Variants in ARG2 observed in about 807,000 individuals in gnomAD.
ARG2 encodes the protein arginase 2, also known as arginase-2, mitochondrial.
In ARG2, 21 loss-of-function variants were observed where a neutral mutation model predicts 39.4. The ratio of observed to expected loss-of-function variants is 0.53; its 90% confidence interval spans 0.38 to 0.77. The LOEUF (loss-of-function observed/expected upper bound fraction) is 0.77, where lower values mean the gene tolerates loss of function less well. ARG2 is among the 30% of genes least tolerant of loss of function. The pLI, the probability that ARG2 is intolerant of heterozygous loss-of-function variation, is 0.00. For synonymous variants in ARG2, 150 were observed against 156.7 expected (o/e 0.96, Z 0.32); for missense variants, 378 against 426.2 (o/e 0.89, Z 1.00).
chr14:67,626,462 C>A (rs1200313166), intron 2 of ARG2, among the ~76,000 whole-genome samples: 1 of 152,158 alleles, frequency 6.6e-6, no homozygotes, highest in Admixed American at 6.5e-5. Flanking sequence ...TTACTGTGTC[C>A]TCAAGCAAAT....
chr14:67,638,519 GTTC>G (rs886115045), intron 2 of ARG2, among the ~76,000 whole-genome samples: 10 of 152,196 alleles, frequency 6.6e-5, no homozygotes, highest in Non-Finnish European at 1.3e-4. Flanking sequence ...TGTCATAGGA[GTTC>G]TTCTTTGACG....
chr14:67,627,525 T>G (rs565356428), intron 2 of ARG2, among the ~76,000 whole-genome samples: 3 of 152,104 alleles, frequency 2.0e-5, no homozygotes, highest in Non-Finnish European at 2.9e-5. Context: ...TGTCATATCT[T>G]TGGGACAAGA....
intron 2 of ARG2, among the ~76,000 whole-genome samples, chr14:67,637,410 C>CAA (rs34746542): frequency 0.19 from 18,995 of 102,334 alleles, 2,255 homozygotes; most frequent in Non-Finnish European, 0.25. Flanking sequence ...GACTCTGTCT[C>CAA]AAAAAAAAAA....
intron 2 of ARG2, among the ~76,000 whole-genome samples, chr14:67,639,727 C>A (rs991208457): frequency 6.6e-6 from 1 of 152,078 alleles, no homozygotes; most frequent in Non-Finnish European, 1.5e-5. Flanking sequence ...TCGAGACCAG[C>A]CTAGCCAACA....
At chr14:67,630,529 C>G (rs1159736287) in intron 2 of ARG2, among the ~76,000 whole-genome samples, 1 of 152,194 alleles carries the variant, frequency 6.6e-6, no homozygotes, top group Non-Finnish European at 1.5e-5. Context: ...AGAACTAGTT[C>G]ATGTGACCAC....
chr14:67,646,235 TAC>T (rs1216267899), intron 4 of ARG2, among the ~76,000 whole-genome samples: 2 of 152,312 alleles, frequency 1.3e-5, no homozygotes, highest in Non-Finnish European at 2.9e-5. Flanking sequence ...ACCAGGACAC[TAC>T]AAAGATTATT....
rs1187997449 is a variant in ARG2, at chr14:67,645,649, A to T, written c.369A>T (p.Ala123=). ...CVTLGGDHSL[A]IGTISGHARH... ...TTATACTTGTTCTTTGCAGCCTGGC[A>T]ATCGGTACCATTAGTGGCCATGCCC... Residue 123 remains alanine (A), a synonymous_variant, in exon 4 of 8, where the codon GCA becomes GCT. Transcript: ENST00000261783. 2 of 1,612,676 alleles carry T rather than the reference A, an allele frequency of 1.2e-6. No homozygotes were observed. Among genetic ancestry groups the T allele is most frequent in the African/African-American group, 1.3e-5 (1 of 74,820 alleles).
chr14:67,623,069 T>C (rs1209631019), intron 2 of ARG2, among the ~76,000 whole-genome samples: 3 of 152,234 alleles, frequency 2.0e-5, no homozygotes, highest in African/African-American at 7.2e-5. Context: ...TTGACTTTTT[T>C]TCTCAAATAT....
At chr14:67,637,153 T>C (rs1594826050) in intron 2 of ARG2, among the ~76,000 whole-genome samples, 1 of 152,180 alleles carries the variant, frequency 6.6e-6, no homozygotes, top group Non-Finnish European at 1.5e-5. Context: ...CTCACACCTG[T>C]AATCCTAGCG....
chr14:67,632,482 G>A (rs2036927738), intron 2 of ARG2, among the ~76,000 whole-genome samples: 1 of 152,158 alleles, frequency 6.6e-6, no homozygotes, highest in African/African-American at 2.4e-5. Context: ...GCCACCCAGA[G>A]GGGAAACAGA....
intron 5 of ARG2, 41 bp from the exon 6 acceptor site, chr14:67,646,880 C>G: frequency 1.4e-6 from 2 of 1,449,270 alleles, no homozygotes; most frequent in South Asian, 2.3e-5. Context: ...GTTAAAAATG[C>G]TCTTTAAACT....
chr14:67,642,111 T>C, intron 2 of ARG2, 75 bp from the exon 3 acceptor site: 1 of 1,404,412 alleles, frequency 7.1e-7, no homozygotes, highest in Non-Finnish European at 1.0e-6. Flanking sequence ...TCACGTATTA[T>C]CATTGTGGCC....
rs1465990408 is a variant in ARG2 at position 67,651,453 on chromosome 14, T to C, written c.*533T>C. Reference sequence around the variant, plus strand: ...ATGGCGAGCTCCAGTAAGATGATAATGGAAAGCAGCAGCTTGTTGGTTGTC... The same window carrying C: ...ATGGCGAGCTCCAGTAAGATGATAACGGAAAGCAGCAGCTTGTTGGTTGTC... On this transcript the variant is annotated 3_prime_UTR_variant, in exon 8 of 8. Coordinates refer to ENST00000261783, the MANE Select transcript of ARG2 (RefSeq NM_001172.4). The C allele has an allele frequency of 3.1e-6, 5 of 1,613,938 alleles. No homozygotes were observed. The highest frequency in any genetic ancestry group is 2.2e-5 in the South Asian group (2 of 91,076).
chr14:67,646,990 G>A lies in ARG2; in HGVS notation c.687G>A (p.Lys229=), dbSNP rs764657573. 3.1e-6 allele frequency: 5 copies of A among 1,612,904 alleles called. No homozygotes were observed. Among genetic ancestry groups the A allele is most frequent in the Admixed American group, 3.3e-5 (2 of 59,996 alleles). The stretch of plus-strand genomic sequence containing the variant: ...ATATTGATCGACTTGGTATCCAGAA[G>A]GTCATGGAACGAACATTTGATCTGC... ...MRDIDRLGIQ[K]VMERTFDLLI... Residue 229 remains lysine (K), a synonymous_variant, in exon 6 of 8, where the codon AAG becomes AAA. Coordinates refer to ENST00000261783, the MANE Select transcript of ARG2 (RefSeq NM_001172.4).
rs997994846 is a variant in ARG2 at position 67,648,380 on chromosome 14, A to G, written c.859+197A>G. 5 of 470,430 alleles carry G rather than the reference A, an allele frequency of 1.1e-5. 1 individual carries two copies. The South Asian group carries it at 2.7e-4, about 26-fold the overall frequency. The allele number at this position is 470,430 out of a possible 1,614,324, so 29.1% of individuals were successfully genotyped here. A position where few individuals can be genotyped will look rare whatever the true frequency, so the allele number is the denominator to read the frequency against. On this transcript the variant is annotated intron_variant, in intron 7 of 7. Coordinates refer to ENST00000261783, the MANE Select transcript of ARG2 (RefSeq NM_001172.4). ...AGAGTCATGCTTGGACATGGCTCTT[A>G]CCAAATTACACTAAGGTAATAATGA...
At chr14:67,646,572 G>T in intron 4 of ARG2, 72 bp from the exon 5 acceptor site, 2 of 1,246,562 alleles carry the variant, frequency 1.6e-6, no homozygotes, top group South Asian at 1.3e-5. Flanking sequence ...GCATACCCAC[G>T]GACGCACATG....
chr14:67,650,474 A>C, intron 7 of ARG2: 1 of 525,972 alleles, frequency 1.9e-6, no homozygotes, highest in South Asian at 2.4e-5. Flanking sequence ...TTAGTTGAAC[A>C]GGGATGGTTT....
intron 2 of ARG2, among the ~76,000 whole-genome samples, chr14:67,627,992 A>G (rs911395242): frequency 6.6e-6 from 1 of 152,196 alleles, no homozygotes; most frequent in Non-Finnish European, 1.5e-5. Context: ...AATTGGCTTT[A>G]TATTTCCTTT....
chr14:67,629,472 T>G (rs1439559448), intron 2 of ARG2, among the ~76,000 whole-genome samples: 2 of 152,244 alleles, frequency 1.3e-5, no homozygotes, highest in African/African-American at 4.8e-5. Context: ...ATGAAGTTTT[T>G]AGAGAAGTCC....
Sources: gnomAD v4.1 joint callset for allele counts (sites outside exome capture counted in the v4.1 genomes callset) on GRCh38, gnomAD v4.1.1 for gene constraint, MANE v1.5 for transcripts, NCBI Gene and HGNC (gene_info 2026-07-23, HGNC 2026-07-21) for gene names.